Variants in GLYATL1 observed in about 807,000 individuals in gnomAD.
GLYATL1 encodes glycine N-acyltransferase-like protein 1.
In GLYATL1, 15 loss-of-function variants were observed where a neutral mutation model predicts 20.0. The observed-to-expected ratio is 0.75, with a 90% confidence interval of 0.50 to 1.15. The LOEUF (loss-of-function observed/expected upper bound fraction) is 1.15. Among genes scored for constraint, GLYATL1 ranks in the 50% most tolerant of loss-of-function variants. The probability of loss-of-function intolerance (pLI) is 0.00; values close to 1 mark genes in which losing one functional copy is unlikely to be tolerated. For missense variants in GLYATL1, 380 were observed against 368.5 expected (o/e 1.03, Z -0.26); for synonymous variants, 151 against 131.5 (o/e 1.15, Z -1.01).
Position 58,955,551 on chromosome 11 carries a change from C to T in GLYATL1, c.492-59C>T. On this transcript the variant is annotated intron_variant, in intron 6 of 6. Transcript: ENST00000532726. ...TCCTGGGATCTCTAGATTGGGATGG[C>T]ACCTAGAAATTACAGGATTGGGGAT... The T allele has an allele frequency of 5.8e-6, 9 of 1,541,820 alleles. 1 individual carries two copies. The South Asian group carries it at 5.9e-5, about 10-fold the overall frequency.
At chr11:58,941,978 A>G (rs990398082) in intron 1 of GLYATL1, among the ~76,000 whole-genome samples, 1 of 152,194 alleles carries the variant, frequency 6.6e-6, no homozygotes, top group Non-Finnish European at 1.5e-5. Context: ...TGAAGCATAT[A>G]AAAGTTTACC....
intron 1 of GLYATL1, chr11:58,934,389 T>C (rs746909447): frequency 6.6e-6 from 1 of 152,240 alleles, no homozygotes; most frequent in Non-Finnish European, 1.5e-5. Flanking sequence ...TGGAGTCTGA[T>C]GCTGGCCTAG....
intron 1 of GLYATL1, chr11:58,916,930 G>A (rs1436830970): frequency 6.6e-6 from 1 of 152,146 alleles, no homozygotes; most frequent in Non-Finnish European, 1.5e-5. Flanking sequence ...TTTCTCATTG[G>A]TTAGTTTGTT....
upstream of GLYATL1, among the ~76,000 whole-genome samples, chr11:58,924,192 TA>T (rs1855371500): frequency 6.6e-6 from 1 of 152,248 alleles, no homozygotes; most frequent in Non-Finnish European, 1.5e-5. Context: ...AAGCTTTGAA[TA>T]AACACACTTA....
Position 58,943,233 on chromosome 11 carries a change from C to A in GLYATL1, c.-166-310C>A, listed in dbSNP as rs1359521513. 6 of 1,488,054 alleles carry A rather than the reference C, an allele frequency of 4.0e-6. No individual in the cohort carries two copies. In the African/African-American group the frequency reaches 7.1e-5, roughly 18 times the overall value. 92.2% of individuals were successfully genotyped at this position (1,488,054 alleles called of 1,614,324 possible). On this transcript the variant is annotated intron_variant, in intron 1 of 6. Coordinates refer to ENST00000532726, the MANE Select transcript of GLYATL1 (RefSeq NM_001389712.2). ...TGAAAACCTAATTTAGTAGTGTGCACCTGTAACAATACTCCAGTGTTGGCC... is the reference window on the plus strand; with the variant it reads ...TGAAAACCTAATTTAGTAGTGTGCAACTGTAACAATACTCCAGTGTTGGCC...
At position 58,955,363 on chromosome 11, in the gene GLYATL1, CAT is replaced by C. The variant is rs755999140; in HGVS notation, c.491+11_491+12del. 31 of 1,607,040 alleles carry C rather than the reference CAT, an allele frequency of 1.9e-5. No individual in the cohort carries two copies. Among genetic ancestry groups the C allele is most frequent in the East Asian group, 1.6e-4 (7 of 44,836 alleles). On this transcript the variant is annotated intron_variant, in intron 6 of 6. Transcript: ENST00000532726. ...ATGATGAATTTGAAAGGTACAAAAA[CAT>C]GTGCTGATCATTTATAATTGCGATT...
intron 2 of GLYATL1, 34 bp downstream of exon 2, chr11:58,943,700 G>A (rs1359166851): frequency 1.1e-5 from 18 of 1,608,044 alleles, no homozygotes; most frequent in African/African-American, 6.7e-5. Context: ...AGCTTCACAC[G>A]TTGGTGTTTT....
At chr11:58,922,288 G>A (rs183798779) in intron 1 of GLYATL1, among the ~76,000 whole-genome samples, 1 of 152,200 alleles carries the variant, frequency 6.6e-6, no homozygotes, top group Non-Finnish European at 1.5e-5. Context: ...GCGTTAGGAA[G>A]ATAAACTGCA....
intron 1 of GLYATL1, among the ~76,000 whole-genome samples, chr11:58,915,388 C>G (rs1285253545): frequency 6.6e-6 from 1 of 152,086 alleles, no homozygotes; most frequent in South Asian, 2.1e-4. Context: ...CATGTGAGCC[C>G]CTCTTCTGGA....
chr11:58,918,222 A>G (rs997708714), intron 1 of GLYATL1, among the ~76,000 whole-genome samples: 5 of 152,236 alleles, frequency 3.3e-5, no homozygotes, highest in African/African-American at 9.6e-5. Context: ...TAATATAGCC[A>G]GCACCACTTC....
downstream of GLYATL1, among the ~76,000 whole-genome samples, chr11:58,909,264 C>A (rs181073763): frequency 7.5e-3 from 1,135 of 152,224 alleles, 10 homozygotes; most frequent in Middle Eastern, 0.054. Flanking sequence ...AGGTATTAGT[C>A]AAGGGGTACA....
At chr11:58,947,820 A>C in intron 3 of GLYATL1, 38 bp from the exon 4 acceptor site, 118 of 1,291,522 alleles carry the variant, frequency 9.1e-5, no homozygotes, top group Middle Eastern at 1.8e-4. Context: ...ATCTCTGGGG[A>C]TCTCAACCTC....
At chr11:58,938,782 T>C (rs1855952588), upstream of GLYATL1, among the ~76,000 whole-genome samples, 1 of 152,164 alleles carries the variant, frequency 6.6e-6, no homozygotes, top group South Asian at 2.1e-4. Context: ...GCACCCCATA[T>C]GCACGTGCTG....
intron 1 of GLYATL1, among the ~76,000 whole-genome samples, chr11:58,918,111 A>G (rs1043999977): frequency 5.9e-5 from 9 of 152,206 alleles, no homozygotes; most frequent in Non-Finnish European, 1.0e-4. Flanking sequence ...AGTTAGAGCC[A>G]TTAGTTGAGT....
At chr11:58,948,210 G>A (rs888884906) in intron 4 of GLYATL1, among the ~76,000 whole-genome samples, 2 of 152,214 alleles carry the variant, frequency 1.3e-5, no homozygotes, top group Admixed American at 6.5e-5. Flanking sequence ...GACACTCACA[G>A]ATTAAGGGCC....
At chr11:58,911,277 G>A (rs1217501976), downstream of GLYATL1, among the ~76,000 whole-genome samples, 1 of 152,182 alleles carries the variant, frequency 6.6e-6, no homozygotes, top group Non-Finnish European at 1.5e-5. Context: ...AAATAAAGCT[G>A]TTGGGAACAT....
At chr11:58,955,394 T>G (rs1223448634) in intron 6 of GLYATL1, 41 bp downstream of exon 6, 13 of 1,541,048 alleles carry the variant, frequency 8.4e-6, no homozygotes, top group Middle Eastern at 3.4e-4. Flanking sequence ...TGCGATTCCT[T>G]GTACATTTTT....
chr11:58,910,206 C>A (rs749406878), downstream of GLYATL1, among the ~76,000 whole-genome samples: 3 of 152,160 alleles, frequency 2.0e-5, no homozygotes, highest in Non-Finnish European at 4.4e-5. Flanking sequence ...TGGAAAATAG[C>A]TGCAGTATCT....
rs2079158864 is a variant in GLYATL1, at chr11:58,956,230, T to G, written c.*203T>G. 6.9e-6 allele frequency: 4 copies of G among 583,770 alleles called. No individual in the cohort carries two copies. The highest frequency in any genetic ancestry group is 1.9e-5 in the African/African-American group (1 of 53,700). The allele number at this position is 583,770 out of a possible 1,614,324, so 36.2% of individuals were successfully genotyped here. ...CTGGCTGGAGGCAGGGGAGGGTATA[T>G]TCTTTAAATATGCTTAAGTGTTATA... On this transcript the variant is annotated 3_prime_UTR_variant, in exon 7 of 7. Transcript: ENST00000532726.
Sources: gnomAD v4.1 joint callset for allele counts (sites outside exome capture counted in the v4.1 genomes callset) on GRCh38, gnomAD v4.1.1 for gene constraint, MANE v1.5 for transcripts, NCBI Gene and HGNC (gene_info 2026-07-23, HGNC 2026-07-21) for gene names.